The following EFNA5 variants were observed in gnomAD, a reference collection of about 807,000 sequenced individuals.
EFNA5 encodes the protein ephrin-A5.
A neutral mutation model predicts 22.9 loss-of-function variants in EFNA5; 5 were observed. That is an observed-to-expected ratio of 0.22 (90% CI 0.11 to 0.46). EFNA5 has a LOEUF of 0.46. EFNA5 is among the 20% of genes least tolerant of loss of function. EFNA5 has a pLI of 0.99. For synonymous variants in EFNA5, 113 were observed against 112.2 expected, an observed-to-expected ratio of 1.01 and a Z score of -0.04; for missense variants, 237 against 293.3, an observed-to-expected ratio of 0.81 and a Z score of 1.40.
chr5:107,627,741 T>C (rs1221403153), intron 1 of EFNA5, among the ~76,000 whole-genome samples: 2 of 152,178 alleles, frequency 1.3e-5, no homozygotes, highest in African/African-American at 4.8e-5. Flanking sequence ...AATCTTTCAT[T>C]TGTTGAATCA....
At chr5:107,518,112 G>T (rs982958601) in intron 1 of EFNA5, among the ~76,000 whole-genome samples, 1 of 152,046 alleles carries the variant, frequency 6.6e-6, no homozygotes, top group Non-Finnish European at 1.5e-5. Flanking sequence ...TCTGCTACAG[G>T]AGAGATGAAA....
Position 107,385,339 on chromosome 5 carries a change from G to C in EFNA5, c.565+1896C>G, listed in dbSNP as rs1197704595. 2.0e-5 allele frequency among the ~76,000 whole-genome samples: 3 copies of C among 152,134 alleles called. No individual in the cohort carries two copies. In the East Asian group the frequency reaches 5.8e-4, roughly 29 times the overall value. Reference sequence around the variant, plus strand: ...ATTACCAGAGAAAAATATGCAATCTGTTAGGTGTCTAAGCAGCCTCCTATG... The same window carrying C: ...ATTACCAGAGAAAAATATGCAATCTCTTAGGTGTCTAAGCAGCCTCCTATG... On this transcript the variant is annotated intron_variant, in intron 4 of 4. Transcript: ENST00000333274.
chr5:107,595,836 G>A (rs1378607942), intron 1 of EFNA5, among the ~76,000 whole-genome samples: 3 of 152,168 alleles, frequency 2.0e-5, no homozygotes, highest in Non-Finnish European at 2.9e-5. Context: ...GATAAAATAC[G>A]CACTTCAAAG....
chr5:107,429,364 CG>C (rs1252177603), intron 1 of EFNA5, among the ~76,000 whole-genome samples: 1 of 152,136 alleles, frequency 6.6e-6, no homozygotes, highest in African/African-American at 2.4e-5. Flanking sequence ...AAGAATGGCA[CG>C]AACCTGGAAG....
chr5:107,660,316 T>G (rs1433249118), intron 1 of EFNA5, among the ~76,000 whole-genome samples: 1 of 72,792 alleles, frequency 1.4e-5, no homozygotes. Context: ...ATATATATAT[T>G]TGGCAAGTGG....
At position 107,668,904 on chromosome 5, in the gene EFNA5, G is replaced by C. The variant is rs186864790; in HGVS notation, c.125+1585C>G. Among the ~76,000 whole-genome samples, 3 of 152,228 alleles carry C rather than the reference G, an allele frequency of 2.0e-5. No homozygotes were observed. The South Asian group carries it at 6.2e-4, about 32-fold the overall frequency. ...TAGTGGTAAGTGGCATGTCAAAGAAGAAATCGCTTCCCATTCCACCACCCA... is the reference window on the plus strand; with the variant it reads ...TAGTGGTAAGTGGCATGTCAAAGAACAAATCGCTTCCCATTCCACCACCCA... On this transcript the variant is annotated intron_variant, in intron 1 of 4. Transcript: ENST00000333274.
At chr5:107,592,579 T>A (rs1033619988) in intron 1 of EFNA5, among the ~76,000 whole-genome samples, 1 of 152,176 alleles carries the variant, frequency 6.6e-6, no homozygotes, top group African/African-American at 2.4e-5. Context: ...ACCAACAATA[T>A]GTTATCTCTT....
At chr5:107,480,279 C>T (rs28112) in intron 1 of EFNA5, among the ~76,000 whole-genome samples, 21,523 of 152,190 alleles carry the variant, frequency 0.14, 2,509 homozygotes, top group East Asian at 0.31. Flanking sequence ...ACAGTATACA[C>T]TTTTATCCAC....
chr5:107,424,216 T>TTC (rs1748746503), intron 2 of EFNA5, among the ~76,000 whole-genome samples: 1 of 137,766 alleles, frequency 7.3e-6, no homozygotes, highest in African/African-American at 2.7e-5. Context: ...TTTTTTTTTT[T>TTC]TTTTTTTTGA....
intron 1 of EFNA5, among the ~76,000 whole-genome samples, chr5:107,656,983 C>T (rs357110): frequency 1.3e-5 from 2 of 151,872 alleles, no homozygotes; most frequent in African/African-American, 4.8e-5. Flanking sequence ...GTAATAGTTG[C>T]TACTGTAAAA....
At chr5:107,591,951 AATATATAATATATATAAT>A (rs1561443042) in intron 1 of EFNA5, among the ~76,000 whole-genome samples, 2 of 12,390 alleles carry the variant, frequency 1.6e-4, no homozygotes, top group Non-Finnish European at 2.2e-4. Context: ...TATTATATAT[AATATATAATATATATAAT>A]ATATATAATA....
intron 1 of EFNA5, among the ~76,000 whole-genome samples, chr5:107,569,382 T>TA (rs566907365): frequency 0.031 from 4,430 of 142,228 alleles, 305 homozygotes; most frequent in African/African-American, 0.11. Flanking sequence ...TATATATATA[T>TA]TTTTATGTAT....
At chr5:107,532,322 G>A (rs1431074568) in intron 1 of EFNA5, among the ~76,000 whole-genome samples, 5 of 152,200 alleles carry the variant, frequency 3.3e-5, no homozygotes, top group Admixed American at 2.6e-4. Context: ...TCTGGCCCTG[G>A]GGCCATGACC....
chr5:107,511,002 T>TTGTGTGTGTGTGTG lies in EFNA5; in HGVS notation c.126-83507_126-83494dup, dbSNP rs71644591. Among the ~76,000 whole-genome samples, 372 of 140,370 alleles carry TTGTGTGTGTGTGTG rather than the reference T, an allele frequency of 2.7e-3. 4 individuals carry two copies. Among genetic ancestry groups the TTGTGTGTGTGTGTG allele is most frequent in the African/African-American group, 8.4e-3 (310 of 36,722 alleles). 92.1% of individuals were successfully genotyped at this position (140,370 alleles called of 152,430 possible). ...CATAGTTGCATTTCTTTCTTTTTCTTTGTGTGTGTGTGTGTGTGTGTGTGT... is the reference window on the plus strand; with the variant it reads ...CATAGTTGCATTTCTTTCTTTTTCTTTGTGTGTGTGTGTGTGTGTGTGTGTGTGTGTGTGTGTGT... On this transcript the variant is annotated intron_variant, in intron 1 of 4. Coordinates refer to ENST00000333274, the MANE Select transcript of EFNA5 (RefSeq NM_001962.3).
At chr5:107,404,887 G>C (rs1167239752) in intron 2 of EFNA5, among the ~76,000 whole-genome samples, 1 of 152,150 alleles carries the variant, frequency 6.6e-6, no homozygotes, top group East Asian at 1.9e-4. Context: ...AAGCTGCATG[G>C]TGATTTTGCC....
chr5:107,631,287 ACACT>A (rs1033133988), intron 1 of EFNA5, among the ~76,000 whole-genome samples: 9 of 151,204 alleles, frequency 6.0e-5, no homozygotes, highest in African/African-American at 2.2e-4. Context: ...ACACACACAC[ACACT>A]CTCTGTCTCT....
intron 1 of EFNA5, among the ~76,000 whole-genome samples, chr5:107,615,753 C>A (rs1749900070): frequency 6.6e-6 from 1 of 152,120 alleles, no homozygotes; most frequent in Non-Finnish European, 1.5e-5. Context: ...GACGAGAAAC[C>A]TCAGTCAGTT....
chr5:107,381,901 C>T (rs909709588), intron 4 of EFNA5, among the ~76,000 whole-genome samples: 4 of 152,132 alleles, frequency 2.6e-5, no homozygotes, highest in African/African-American at 7.2e-5. Context: ...AAACTAAATG[C>T]CAAAACAGCA....
At chr5:107,592,380 G>A (rs1749392097) in intron 1 of EFNA5, among the ~76,000 whole-genome samples, 1 of 151,836 alleles carries the variant, frequency 6.6e-6, no homozygotes, top group Non-Finnish European at 1.5e-5. Flanking sequence ...GAAGTCAACT[G>A]ATGGATGCAA....
Sources: gnomAD v4.1 joint callset for allele counts (sites outside exome capture counted in the v4.1 genomes callset) on GRCh38, gnomAD v4.1.1 for gene constraint, MANE v1.5 for transcripts, NCBI Gene and HGNC (gene_info 2026-07-23, HGNC 2026-07-21) for gene names.